Variants in CASTOR2 observed in about 807,000 individuals in gnomAD.
CASTOR2 encodes the protein GATS protein like 2.
In CASTOR2, 8 loss-of-function variants were observed where a neutral mutation model predicts 31.2. The observed-to-expected ratio is 0.26, with a 90% CI of 0.15 to 0.46. CASTOR2 has a LOEUF of 0.46. Among genes scored for constraint, CASTOR2 ranks in the 20% least tolerant of loss-of-function variants. The pLI is 0.99. For synonymous variants in CASTOR2, 162 were observed against 158.7 expected (o/e 1.02, Z -0.16); for missense variants, 216 against 382.1 (o/e 0.57, Z 3.62).
In CASTOR2 at chr7:75,017,726, G is replaced by A. The variant is rs1804898375; in HGVS notation, c.313G>A (p.Ala105Thr). 1 of 1,613,998 alleles carries A rather than the reference G, an allele frequency of 6.2e-7. No homozygotes were observed. Among genetic ancestry groups the A allele is most frequent in the South Asian group, 1.1e-5 (1 of 91,074 alleles). ...GACCAAGATCGCCAAGTCAGTCATC[G>A]CCCCACTGGCTGACCAGAACATATC... is the stretch of plus-strand genomic sequence containing the variant. ...GVTKIAKSVIAPLADQNISVF... is the reference protein window; with the variant it reads ...GVTKIAKSVITPLADQNISVF... The change falls in exon 3 of 9, where the codon GCC becomes ACC. Residue 105 changes from alanine to threonine, a missense_variant. This residue lies in a region of CASTOR2 where 114 missense variants were observed against 194.2 expected (regional missense o/e 0.59). Coordinates refer to ENST00000616305, the MANE Select transcript of CASTOR2 (RefSeq NM_001145064.3).
intron 1 of CASTOR2, among the ~76,000 whole-genome samples, chr7:74,991,517 C>G (rs1303795676): frequency 1.3e-5 from 2 of 152,014 alleles, no homozygotes; most frequent in Non-Finnish European, 2.9e-5. Context: ...TCGCCCAGAA[C>G]TGGGAGCTGG....
intron 1 of CASTOR2, among the ~76,000 whole-genome samples, chr7:75,004,007 C>T (rs1372912071): frequency 4.6e-5 from 7 of 152,150 alleles, no homozygotes; most frequent in African/African-American, 9.7e-5. Context: ...TTATGCCCTC[C>T]GGAATAATTT....
rs1000713898 is a variant in CASTOR2, at chr7:75,025,218, G to A, written c.*519G>A. Among the ~76,000 whole-genome samples the A allele has an allele frequency of 3.9e-5, 6 of 152,342 alleles. No individual in the cohort carries two copies. The highest frequency in any genetic ancestry group is 2.1e-4 in the South Asian group (1 of 4,828). ...TGGTTCCCTCGGAGTGGAGGCCAGC[G>A]TGGCCCCCTCAGGTCATCGGGGCTG... On this transcript the variant is annotated 3_prime_UTR_variant, in exon 9 of 9. Transcript: ENST00000616305.
chr7:75,016,869 A>C (rs1186649086), intron 2 of CASTOR2, among the ~76,000 whole-genome samples: 5 of 152,306 alleles, frequency 3.3e-5, no homozygotes, highest in African/African-American at 9.6e-5. Context: ...TTTGATTCAA[A>C]TCCCATCCTG....
intron 1 of CASTOR2, among the ~76,000 whole-genome samples, chr7:74,985,585 C>CAA (rs782053038): frequency 0.011 from 731 of 66,982 alleles, 13 homozygotes; most frequent in South Asian, 0.014. Context: ...CAGCCTGGCT[C>CAA]AAAAAAAAAA....
chr7:75,019,692 G>A (rs1200181304), intron 5 of CASTOR2, among the ~76,000 whole-genome samples: 1 of 152,218 alleles, frequency 6.6e-6, no homozygotes, highest in African/African-American at 2.4e-5. Context: ...AACAGACATT[G>A]TGTCACTTCC....
intron 2 of CASTOR2, among the ~76,000 whole-genome samples, chr7:75,015,001 G>A (rs1804835322): frequency 6.6e-6 from 1 of 152,228 alleles, no homozygotes. Flanking sequence ...GACTGGGGCC[G>A]CCCTTTCCCA....
intron 1 of CASTOR2, among the ~76,000 whole-genome samples, chr7:74,990,106 G>T (rs1388059447): frequency 6.6e-6 from 1 of 151,978 alleles, no homozygotes; most frequent in East Asian, 1.9e-4. Flanking sequence ...ACATGTTTTG[G>T]TGCCGGGTGC....
chr7:75,026,195 T>TTTTTTGTTTTTTTTTTG lies in CASTOR2; in HGVS notation c.*1501_*1502insGTTTTTTTTTTGTTTTT. On this transcript the variant is annotated 3_prime_UTR_variant, in exon 9 of 9. Transcript: ENST00000616305. Reference sequence around the variant, plus strand: ...GGTTTTGGCTCTGGCGGGGGTTTTTTTTTTTTTTTTTGAGATGGGAGTCTG... The same window carrying TTTTTTGTTTTTTTTTTG: ...GGTTTTGGCTCTGGCGGGGGTTTTTTTTTTTGTTTTTTTTTTGTTTTTTTTTTTGAGATGGGAGTCTG... Among the ~76,000 whole-genome samples, 3 of 145,836 alleles carry TTTTTTGTTTTTTTTTTG rather than the reference T, an allele frequency of 2.1e-5. No homozygotes were observed. Among genetic ancestry groups the TTTTTTGTTTTTTTTTTG allele is most frequent in the Admixed American group, 6.8e-5 (1 of 14,688 alleles).
chr7:74,992,417 C>T (rs1175433400), intron 1 of CASTOR2, among the ~76,000 whole-genome samples: 1 of 152,102 alleles, frequency 6.6e-6, no homozygotes, highest in Non-Finnish European at 1.5e-5. Context: ...GCCTGAGCAA[C>T]ATCGTGAGAC....
intron 7 of CASTOR2, 74 bp from the exon 8 acceptor site, chr7:75,024,366 G>A (rs1805074232): frequency 7.0e-7 from 1 of 1,434,340 alleles, no homozygotes; most frequent in Admixed American, 2.0e-5. Flanking sequence ...CCCACAGAGG[G>A]TAGAGGCTGA....
chr7:75,021,413 C>T (rs891365173), intron 6 of CASTOR2, among the ~76,000 whole-genome samples: 1 of 152,210 alleles, frequency 6.6e-6, no homozygotes, highest in Non-Finnish European at 1.5e-5. Flanking sequence ...GGGTGTGAGC[C>T]ACCACGCCCT....
chr7:75,018,306 G>A (rs1249566535), intron 4 of CASTOR2, among the ~76,000 whole-genome samples, 184 bp downstream of exon 4: 1 of 152,182 alleles, frequency 6.6e-6, no homozygotes, highest in African/African-American at 2.4e-5. Flanking sequence ...TTGGGAGGCC[G>A]AGGCAGGCAA....
chr7:74,984,599 A>G (rs1170097575), intron 1 of CASTOR2, among the ~76,000 whole-genome samples: 1 of 152,070 alleles, frequency 6.6e-6, no homozygotes, highest in Non-Finnish European at 1.5e-5. Flanking sequence ...CCAGGAGCCA[A>G]CACCTCCCTT....
chr7:74,990,520 C>T (rs1482590771), intron 1 of CASTOR2, among the ~76,000 whole-genome samples: 4 of 151,302 alleles, frequency 2.6e-5, no homozygotes, highest in Non-Finnish European at 5.9e-5. Context: ...GAGTTCAGGA[C>T]CAGCTTGTGC....
intron 2 of CASTOR2, among the ~76,000 whole-genome samples, chr7:75,016,482 C>T (rs1288737955): frequency 2.0e-5 from 3 of 152,146 alleles, no homozygotes; most frequent in Non-Finnish European, 2.9e-5. Context: ...TCTTCAGGGG[C>T]CCTCCTGGAG....
At chr7:75,002,108 T>G (rs1231375139) in intron 1 of CASTOR2, among the ~76,000 whole-genome samples, 1 of 151,878 alleles carries the variant, frequency 6.6e-6, no homozygotes, top group African/African-American at 2.4e-5. Context: ...GAATTTTTAG[T>G]AGAGACAGGG....
At chr7:75,002,905 T>C (rs1804528485) in intron 1 of CASTOR2, among the ~76,000 whole-genome samples, 1 of 151,756 alleles carries the variant, frequency 6.6e-6, no homozygotes, top group African/African-American at 2.4e-5. Context: ...CTGGGCAACA[T>C]AGCAAGATCC....
At position 75,027,886 on chromosome 7, in the gene CASTOR2, G is replaced by T; in HGVS notation, c.*3187G>T. On this transcript the variant is annotated 3_prime_UTR_variant, in exon 9 of 9. Coordinates refer to ENST00000616305, the MANE Select transcript of CASTOR2 (RefSeq NM_001145064.3). Reference sequence around the variant, plus strand: ...TCCCAGGCAGGGGCCGTCTGCCCTTGTCCCCCAGCTATCTCCTGGTCTGCT... The same window carrying T: ...TCCCAGGCAGGGGCCGTCTGCCCTTTTCCCCCAGCTATCTCCTGGTCTGCT... 2.2e-6 allele frequency: 2 copies of T among 921,712 alleles called. No homozygotes were observed. Among genetic ancestry groups the T allele is most frequent in the Non-Finnish European group, 3.4e-6 (2 of 590,346 alleles). The allele number at this position is 921,712 out of a possible 1,614,324, so 57.1% of individuals were successfully genotyped here. A position where few individuals can be genotyped will look rare whatever the true frequency, so the allele number is the denominator to read the frequency against.
Sources: gnomAD v4.1 joint callset for allele counts (sites outside exome capture counted in the v4.1 genomes callset) on GRCh38, gnomAD v4.1.1 for gene constraint, gnomAD v4.1.1 regional missense constraint, MANE v1.5 for transcripts, NCBI Gene and HGNC (gene_info 2026-07-23, HGNC 2026-07-21) for gene names.